PCDHGC5: variants seen among roughly 807,000 people sequenced by gnomAD.
PCDHGC5 encodes the protein protocadherin gamma subfamily C, 5.
A neutral mutation model predicts 59.0 loss-of-function variants in PCDHGC5; 25 were observed. The observed-to-expected ratio is 0.42, with a 90% CI of 0.31 to 0.59. The LOEUF is 0.59. PCDHGC5 is among the 20% of genes least tolerant of loss of function. PCDHGC5 has a pLI of 0.13. For synonymous variants in PCDHGC5, 434 were observed against 505.5 expected (o/e 0.86, Z 1.90); for missense variants, 1,067 against 1,206.4 (o/e 0.88, Z 1.71).
chr5:141,505,363 T>A, intron 2 of PCDHGC5, 30 bp from the exon 3 acceptor site: 1 of 1,613,360 alleles, frequency 6.2e-7, no homozygotes, highest in Non-Finnish European at 8.5e-7. Context: ...GGCCTGGGAG[T>A]CTGTGCTCAC....
Position 141,490,398 on chromosome 5 carries a change from C to A in PCDHGC5, c.1158C>A (p.Ser386Arg). 1 of 1,614,168 alleles carries A rather than the reference C, an allele frequency of 6.2e-7. No homozygotes were observed. Among genetic ancestry groups the A allele is most frequent in the South Asian group, 1.1e-5 (1 of 91,088 alleles). Residue 386 changes from serine to arginine, a missense_variant, in exon 1 of 4, where the codon AGC becomes AGA. Ser to Arg is a moderately radical substitution (Grantham distance 110, BLOSUM62 -1). Coordinates refer to ENST00000252087, the MANE Select transcript of PCDHGC5 (RefSeq NM_018929.3). This position sits in a 1 kb window ranked among gnomAD's most constrained non-coding sequence, Gnocchi z 5.4. ...ACTCAGGTAGAAATGGTGAAGTGAG[C>A]CTTGATATCTCTCCGGACCTGCCAT... ...DRDSGRNGEV[S>R]LDISPDLPFQ...
rs911461762 is a variant in PCDHGC5 at position 141,512,938 on chromosome 5, T to C, written c.*1765T>C. The stretch of plus-strand genomic sequence containing the variant: ...ACTCTAATATTTATATGGCTTTTTT[T>C]CTTCGACAAAAAAATAATAAAACGT... On this transcript the variant is annotated 3_prime_UTR_variant, in exon 4 of 4. Coordinates refer to ENST00000252087, the MANE Select transcript of PCDHGC5 (RefSeq NM_018929.3). 6.6e-6 allele frequency: 1 copy of C among 151,928 alleles called. No homozygotes were observed. Among genetic ancestry groups the C allele is most frequent in the Non-Finnish European group, 1.5e-5 (1 of 67,934 alleles). The allele number at this position is 151,928 out of a possible 1,614,324, so 9.4% of individuals were successfully genotyped here.
At chr5:141,496,249 A>G (rs1385823714) in intron 2 of PCDHGC5, among the ~76,000 whole-genome samples, 1 of 152,078 alleles carries the variant, frequency 6.6e-6, no homozygotes, top group East Asian at 1.9e-4. Context: ...GCTGAAGGGG[A>G]GGGAAACTTC....
chr5:141,505,436 T>C lies in PCDHGC5; in HGVS notation c.2563T>C (p.Phe855Leu). 1.2e-6 allele frequency: 2 copies of C among 1,614,118 alleles called. No homozygotes were observed. The highest frequency in any genetic ancestry group is 1.7e-6 in the Non-Finnish European group (2 of 1,179,998). ...DDTGTWPNNQ[F>L]DTEMLQAMIL... is the part of the protein sequence containing the mutation. ...CACCGGCACCTGGCCCAACAACCAG[T>C]TTGACACAGAGATGCTGCAAGCCAT... Residue 855 changes from phenylalanine (F) to leucine (L), a missense_variant, in exon 3 of 4, where the codon TTT becomes CTT. Phe to Leu is a conservative substitution (Grantham distance 22). Coordinates refer to ENST00000252087, the MANE Select transcript of PCDHGC5 (RefSeq NM_018929.3).
rs370503146 is a variant in PCDHGC5 at position 141,511,012 on chromosome 5, G to A, written c.2674G>A (p.Gly892Arg). 11 of 1,614,060 alleles carry A rather than the reference G, an allele frequency of 6.8e-6. No individual in the cohort carries two copies. Among genetic ancestry groups the A allele is most frequent in the Middle Eastern group, 1.6e-4 (1 of 6,084 alleles). ...AGTMGLSARYGPQFTLQHVPD... is the reference protein window; with the variant it reads ...AGTMGLSARYRPQFTLQHVPD... The stretch of plus-strand genomic sequence containing the variant: ...CACCATGGGATTGAGCGCCCGCTAC[G>A]GACCCCAGTTCACCCTGCAGCACGT... The change falls in exon 4 of 4, where the codon GGA (glycine) becomes AGA (arginine). Residue 892 changes from glycine (G) to arginine (R), a missense_variant. Transcript: ENST00000252087.
intron 2 of PCDHGC5, among the ~76,000 whole-genome samples, chr5:141,497,541 T>A (rs1157403777): frequency 1.1e-5 from 1 of 89,566 alleles, no homozygotes; most frequent in Admixed American, 1.2e-4. Context: ...GCAACAAACC[T>A]TTTTTTTTTT....
intron 3 of PCDHGC5, among the ~76,000 whole-genome samples, chr5:141,505,765 T>C (rs970212345): frequency 5.3e-5 from 8 of 151,922 alleles, no homozygotes; most frequent in African/African-American, 1.9e-4. Flanking sequence ...ACAGTGTAGC[T>C]CAGGTCCTAG....
Position 141,490,975 on chromosome 5 carries a change from C to T in PCDHGC5, c.1735C>T (p.Leu579Phe). 1 of 1,614,056 alleles carries T rather than the reference C, an allele frequency of 6.2e-7. No individual in the cohort carries two copies. Among genetic ancestry groups the T allele is most frequent in the African/African-American group, 1.3e-5 (1 of 75,070 alleles). ...CTGGGAACACTCAGCCCCCCAGCGT[C>T]TCCCTCGCTCTGCTCCTCCTGGCTC... ...PDWEHSAPQRLPRSAPPGSLV... is the reference protein window; with the variant it reads ...PDWEHSAPQRFPRSAPPGSLV... Residue 579 changes from leucine to phenylalanine, a missense_variant, in exon 1 of 4, where the codon CTC becomes TTC. Coordinates refer to ENST00000252087, the MANE Select transcript of PCDHGC5 (RefSeq NM_018929.3). This position sits in a 1 kb window ranked among gnomAD's most constrained non-coding sequence, Gnocchi z 5.4.
At chr5:141,510,579 C>T (rs2099881748) in intron 3 of PCDHGC5, among the ~76,000 whole-genome samples, 1 of 152,170 alleles carries the variant, frequency 6.6e-6, no homozygotes, top group Non-Finnish European at 1.5e-5. Flanking sequence ...CACTATTTTA[C>T]GTACCTGACA....
intron 1 of PCDHGC5, among the ~76,000 whole-genome samples, chr5:141,492,711 C>T (rs927567393): frequency 4.6e-5 from 7 of 152,254 alleles, no homozygotes; most frequent in East Asian, 3.8e-4. Flanking sequence ...AAGCCTCGAG[C>T]AGGCGGACAG....
In PCDHGC5 at chr5:141,505,438, T is replaced by C. The variant is rs149352680; in HGVS notation, c.2565T>C (p.Phe855=). The C allele has an allele frequency of 6.8e-6, 11 of 1,614,046 alleles. No homozygotes were observed. The African/African-American group carries it at 1.5e-4, about 22-fold the overall frequency. The stretch of plus-strand genomic sequence containing the variant: ...CCGGCACCTGGCCCAACAACCAGTT[T>C]GACACAGAGATGCTGCAAGCCATGA... ...DDTGTWPNNQ[F]DTEMLQAMIL... Residue 855 remains phenylalanine, a synonymous_variant, in exon 3 of 4, where the codon TTT becomes TTC. Transcript: ENST00000252087.
intron 2 of PCDHGC5, among the ~76,000 whole-genome samples, chr5:141,504,909 G>C (rs948719729): frequency 6.6e-6 from 1 of 152,002 alleles, no homozygotes; most frequent in Non-Finnish European, 1.5e-5. Context: ...ACTATGACAG[G>C]AAGCCAGGCT....
chr5:141,509,787 TCTC>T (rs2099878266), intron 3 of PCDHGC5, among the ~76,000 whole-genome samples: 1 of 152,132 alleles, frequency 6.6e-6, no homozygotes, highest in Non-Finnish European at 1.5e-5. Context: ...GAGATCATCA[TCTC>T]CTCAGCTTCA....
In PCDHGC5 at chr5:141,491,731, C is replaced by T. The variant is rs1198438920; in HGVS notation, c.2460+31C>T. ...GGGCTCGGCGCCGCCCCGGGCGACC[C>T]CTGGGGGCGGCACTGGAGAAGCCGC... On this transcript the variant is annotated intron_variant, in intron 1 of 3. Coordinates refer to ENST00000252087, the MANE Select transcript of PCDHGC5 (RefSeq NM_018929.3). The surrounding 1 kb of genome is among the most constrained non-coding windows in gnomAD (Gnocchi z 6.9). 1 of 1,603,678 alleles carries T rather than the reference C, an allele frequency of 6.2e-7. No homozygotes were observed. Among genetic ancestry groups the T allele is most frequent in the Non-Finnish European group, 8.5e-7 (1 of 1,175,748 alleles).
At chr5:141,494,564 G>A (rs2099755274) in intron 1 of PCDHGC5, among the ~76,000 whole-genome samples, 1 of 152,138 alleles carries the variant, frequency 6.6e-6, no homozygotes, top group Non-Finnish European at 1.5e-5. Context: ...TTTAGGAAAG[G>A]AGTCTCAGCT....
At position 141,491,645 on chromosome 5, in the gene PCDHGC5, C is replaced by T; in HGVS notation, c.2405C>T (p.Ala802Val). Residue 802 changes from alanine to valine, a missense_variant, in exon 1 of 4, where the codon GCG becomes GTG. Transcript: ENST00000252087. The surrounding 1 kb of genome is among the most constrained non-coding windows in gnomAD (Gnocchi z 6.9). ...AGCGTTCAGCAGCCCACAGCTCTGG[C>T]GCTGGAGCCTGACGCCATCCGGTCC... ...PLSVQQPTALALEPDAIRSRS... is the reference protein window; with the variant it reads ...PLSVQQPTALVLEPDAIRSRS... 1.2e-6 allele frequency: 2 copies of T among 1,613,890 alleles called. No homozygotes were observed. Among genetic ancestry groups the T allele is most frequent in the African/African-American group, 1.3e-5 (1 of 75,082 alleles).
chr5:141,494,815 G>T lies in PCDHGC5; in HGVS notation c.2469G>T (p.Pro823=). The change falls in exon 2 of 4, where the codon CCG becomes CCT. Residue 823 remains proline, a synonymous_variant. Transcript: ENST00000252087. ...CTCTGTTTTCTCCACAGCAAGCCCC[G>T]CCCAACACGGACTGGCGTTTCTCTC... The part of the protein sequence containing the change: ...NTLRERSQQA[P]PNTDWRFSQA... 1.2e-6 allele frequency: 2 copies of T among 1,613,976 alleles called. No individual in the cohort carries two copies. The highest frequency in any genetic ancestry group is 1.1e-5 in the South Asian group (1 of 91,072).
Position 141,505,432 on chromosome 5 carries a change from C to T in PCDHGC5, c.2559C>T (p.Asn853=), listed in dbSNP as rs776731214. Residue 853 remains asparagine, a synonymous_variant, in exon 3 of 4, where the codon AAC becomes AAT. Transcript: ENST00000252087. ...ATGACACCGGCACCTGGCCCAACAA[C>T]CAGTTTGACACAGAGATGCTGCAAG... ...NGDDTGTWPN[N]QFDTEMLQAM... 6.2e-7 allele frequency: 1 copy of T among 1,614,252 alleles called. No homozygotes were observed. Among genetic ancestry groups the T allele is most frequent in the Non-Finnish European group, 8.5e-7 (1 of 1,180,048 alleles).
rs889285153 is a variant in PCDHGC5, at chr5:141,494,978, T to C, written c.2519+113T>C. ...TGCTACAGATGGCTTCTCCCTCAGT[T>C]TGAGATCCCAGGGAGGTCTTGGTGT... On this transcript the variant is annotated intron_variant, in intron 2 of 3. Transcript: ENST00000252087. 7.6e-6 allele frequency: 12 copies of C among 1,572,974 alleles called. No homozygotes were observed. In the Admixed American group the frequency reaches 1.3e-4, roughly 17 times the overall value.
Sources: gnomAD v4.1 joint callset for allele counts (sites outside exome capture counted in the v4.1 genomes callset) on GRCh38, gnomAD v4.1.1 for gene constraint, Gnocchi (gnomAD v3.1) non-coding constraint, MANE v1.5 for transcripts, NCBI Gene and HGNC (gene_info 2026-07-23, HGNC 2026-07-21) for gene names.